NELL1: variants seen among roughly 807,000 people sequenced by gnomAD.
The protein encoded by NELL1 is neural EGFL like 1.
NELL1 carries 76 observed loss-of-function variants against 107.4 expected under a neutral mutation model. The ratio of observed to expected loss-of-function variants is 0.71; its 90% CI spans 0.59 to 0.86. The LOEUF is 0.86. Ranked by LOEUF, NELL1 falls within the 40% of genes least tolerant of loss-of-function variation. The probability of loss-of-function intolerance (pLI) is 0.00; values close to 1 mark genes in which losing one functional copy is unlikely to be tolerated. For missense variants in NELL1, 1,024 were observed against 1,005.5 expected (o/e 1.02, Z -0.25); for synonymous variants, 353 against 341.2 (o/e 1.03, Z -0.38).
chr11:21,028,824 G>A (rs1852883523), intron 12 of NELL1, among the ~76,000 whole-genome samples: 1 of 152,036 alleles, frequency 6.6e-6, no homozygotes, highest in Admixed American at 6.6e-5. Context: ...AATTAGCTGG[G>A]CAGTTTTTAT....
At chr11:21,026,870 A>T (rs1459128869) in intron 12 of NELL1, among the ~76,000 whole-genome samples, 1 of 152,164 alleles carries the variant, frequency 6.6e-6, no homozygotes, top group Non-Finnish European at 1.5e-5. Flanking sequence ...AGGTCTGCAT[A>T]ACCTCACAAA....
intron 4 of NELL1, among the ~76,000 whole-genome samples, chr11:20,876,065 A>G (rs768628636): frequency 2.6e-5 from 4 of 152,180 alleles, no homozygotes; most frequent in Non-Finnish European, 5.9e-5. Context: ...ATCACAGCAA[A>G]GGCATCTCCT....
intron 15 of NELL1, among the ~76,000 whole-genome samples, chr11:21,378,654 A>G (rs573202937): frequency 1.3e-5 from 2 of 152,084 alleles, no homozygotes; most frequent in Admixed American, 1.3e-4. Context: ...AGAAAAATTT[A>G]AATGTATGTA....
At position 21,048,606 on chromosome 11, in the gene NELL1, A is replaced by G. The variant is rs531304473; in HGVS notation, c.1301-64983A>G. 2.6e-5 allele frequency among the ~76,000 whole-genome samples: 4 copies of G among 152,024 alleles called. No homozygotes were observed. In the East Asian group the frequency reaches 7.8e-4, roughly 29 times the overall value. ...TTCTGGCACCTGTGACTTAGGCTTG[A>G]CCTTTTCTTGTTGTAAACAAAGATG... On this transcript the variant is annotated intron_variant, in intron 12 of 19. Transcript: ENST00000357134.
chr11:20,825,462 G>T (rs1338361656), intron 3 of NELL1, among the ~76,000 whole-genome samples: 1 of 151,436 alleles, frequency 6.6e-6, no homozygotes, highest in African/African-American at 2.4e-5. Context: ...GTTGCCCAAG[G>T]CCATGGGAGT....
chr11:20,790,405 C>A (rs774708430), intron 3 of NELL1, among the ~76,000 whole-genome samples: 6 of 152,228 alleles, frequency 3.9e-5, no homozygotes, highest in Non-Finnish European at 5.9e-5. Flanking sequence ...AACTCGGCCC[C>A]GACTTTGCTC....
intron 14 of NELL1, among the ~76,000 whole-genome samples, chr11:21,369,436 A>C (rs1249911925): frequency 1.4e-5 from 2 of 145,786 alleles, no homozygotes; most frequent in Non-Finnish European, 3.0e-5. Context: ...TTTGAATTCT[A>C]AGGTACACAC....
At chr11:21,408,551 T>C (rs1852288414) in intron 15 of NELL1, among the ~76,000 whole-genome samples, 1 of 152,092 alleles carries the variant, frequency 6.6e-6, no homozygotes, top group African/African-American at 2.4e-5. Context: ...GAGTTCATTG[T>C]AGATTCTGGA....
chr11:21,067,522 A>T (rs1853905526), intron 12 of NELL1, among the ~76,000 whole-genome samples: 1 of 152,168 alleles, frequency 6.6e-6, no homozygotes, highest in African/African-American at 2.4e-5. Context: ...ATCTTCAGAA[A>T]TGTTTTTGAC....
chr11:20,695,707 C>T (rs1335288565), intron 2 of NELL1, among the ~76,000 whole-genome samples: 4 of 152,040 alleles, frequency 2.6e-5, no homozygotes, highest in African/African-American at 7.2e-5. Context: ...TGTCTATGTT[C>T]ATTAGGGTAG....
At chr11:21,252,535 C>A (rs1262632804) in intron 14 of NELL1, among the ~76,000 whole-genome samples, 1 of 152,078 alleles carries the variant, frequency 6.6e-6, no homozygotes, top group African/African-American at 2.4e-5. Flanking sequence ...GCATGTTATA[C>A]TTTTTAGGAT....
chr11:21,510,294 T>A (rs928726476), intron 15 of NELL1, among the ~76,000 whole-genome samples: 1 of 152,198 alleles, frequency 6.6e-6, no homozygotes, highest in African/African-American at 2.4e-5. Context: ...TCATGAATAA[T>A]CATGCTGGAG....
At chr11:20,781,581 C>T (rs150860951) in intron 2 of NELL1, among the ~76,000 whole-genome samples, 107 of 152,266 alleles carry the variant, frequency 7.0e-4, no homozygotes, top group Middle Eastern at 3.4e-3. Context: ...CCAAGCTTTA[C>T]AATCCTGAAA....
At chr11:20,964,610 C>A (rs888246436) in intron 12 of NELL1, among the ~76,000 whole-genome samples, 1 of 152,298 alleles carries the variant, frequency 6.6e-6, no homozygotes, top group East Asian at 1.9e-4. Context: ...CAACTCATTT[C>A]TACTCTAGAG....
intron 13 of NELL1, among the ~76,000 whole-genome samples, chr11:21,168,769 A>C (rs1188053852): frequency 6.6e-6 from 1 of 151,894 alleles, no homozygotes; most frequent in Non-Finnish European, 1.5e-5. Flanking sequence ...GTTAAGCTGC[A>C]TGGCCATCAA....
intron 2 of NELL1, among the ~76,000 whole-genome samples, chr11:20,773,858 T>C (rs1856688977): frequency 6.6e-6 from 1 of 152,062 alleles, no homozygotes; most frequent in Non-Finnish European, 1.5e-5. Flanking sequence ...ACCACTACCC[T>C]ACATTGCCTC....
Position 21,240,704 on chromosome 11 carries a change from G to A in NELL1, c.1549+11250G>A, listed in dbSNP as rs1858331622. ...GATTGCGTTCTTTTGGCTTAACAAG[G>A]TGCACCTTGACGTAGTCTTGTCCTA... On this transcript the variant is annotated intron_variant, in intron 14 of 19. Coordinates refer to ENST00000357134, the MANE Select transcript of NELL1 (RefSeq NM_006157.5). 2.8e-5 allele frequency among the ~76,000 whole-genome samples: 4 copies of A among 142,606 alleles called. No homozygotes were observed. The South Asian group carries it at 8.8e-4, about 31-fold the overall frequency. 93.6% of individuals were successfully genotyped at this position (142,606 alleles called of 152,430 possible).
At position 21,436,179 on chromosome 11, in the gene NELL1, C is replaced by A. The variant is rs186648185; in HGVS notation, c.1645+65231C>A. Among the ~76,000 whole-genome samples, 5 of 152,204 alleles carry A rather than the reference C, an allele frequency of 3.3e-5. No homozygotes were observed. In the East Asian group the frequency reaches 9.7e-4, roughly 30 times the overall value. On this transcript the variant is annotated intron_variant, in intron 15 of 19. Coordinates refer to ENST00000357134, the MANE Select transcript of NELL1 (RefSeq NM_006157.5). The stretch of plus-strand genomic sequence containing the variant: ...AAGTGATTCTCCTGCCTCAGCATCC[C>A]AAGTAGGTGGGACTACAGGTGTGCG...
chr11:20,776,300 G>A (rs867047953), intron 2 of NELL1, among the ~76,000 whole-genome samples: 4 of 152,014 alleles, frequency 2.6e-5, no homozygotes, highest in Non-Finnish European at 4.4e-5. Context: ...TTAGCCAGGT[G>A]TGGTGATGGG....
Sources: gnomAD v4.1 joint callset for allele counts (sites outside exome capture counted in the v4.1 genomes callset) on GRCh38, gnomAD v4.1.1 for gene constraint, MANE v1.5 for transcripts, NCBI Gene and HGNC (gene_info 2026-07-23, HGNC 2026-07-21) for gene names.